The following ZNF331 variants were observed in gnomAD, a reference collection of about 807,000 sequenced individuals.
The protein encoded by ZNF331 is C2H2-like zinc finger protein rearranged in thyroid adenomas.
Under a neutral mutation model 7.0 loss-of-function variants are expected in ZNF331, and 2 were observed. The ratio of observed to expected loss-of-function variants is 0.29; its 90% confidence interval spans 0.12 to 0.90. The LOEUF (loss-of-function observed/expected upper bound fraction) is 0.90, where lower values mean the gene tolerates loss of function less well. ZNF331 is among the 40% of genes least tolerant of loss of function. The pLI is 0.58. For synonymous variants in ZNF331, 196 were observed against 205.4 expected, an observed-to-expected ratio of 0.95 and a Z score of 0.39; for missense variants, 432 against 587.7, an observed-to-expected ratio of 0.74 and a Z score of 2.74.
chr19:53,531,345 T>C (rs938875571), intron 2 of ZNF331, among the ~76,000 whole-genome samples: 3 of 152,194 alleles, frequency 2.0e-5, no homozygotes, highest in Admixed American at 2.0e-4. Context: ...TATCCCTCAA[T>C]GTACTCCCCA....
At chr19:53,550,527 G>GTTTTTTTTTT (rs2088914701) in intron 2 of ZNF331, among the ~76,000 whole-genome samples, 3 of 63,514 alleles carry the variant, frequency 4.7e-5, no homozygotes, top group Admixed American at 1.8e-4. Flanking sequence ...AGTCTATTTT[G>GTTTTTTTTTT]TCTTTTTTTT....
At position 53,578,126 on chromosome 19, in the gene ZNF331, G is replaced by A. The variant is rs190858077; in HGVS notation, c.*174G>A. 3.7e-5 allele frequency: 32 copies of A among 867,324 alleles called. No homozygotes were observed. In the African/African-American group the frequency reaches 3.7e-4, roughly 10 times the overall value. 53.7% of individuals were successfully genotyped at this position (867,324 alleles called of 1,614,324 possible). Reference sequence around the variant, plus strand: ...GCGTGATGAAATCTCTCGCTGTCCGGCTCCAGCCGGCCGGGGATGTGAGTC... The same window carrying A: ...GCGTGATGAAATCTCTCGCTGTCCGACTCCAGCCGGCCGGGGATGTGAGTC... On this transcript the variant is annotated 3_prime_UTR_variant, in exon 6 of 6. Transcript: ENST00000449416.
At chr19:53,514,651 C>CTTT (rs2086854366), upstream of ZNF331, among the ~76,000 whole-genome samples, 3 of 112,964 alleles carry the variant, frequency 2.7e-5, no homozygotes, top group Non-Finnish European at 5.3e-5. Flanking sequence ...GAAGCCTTCT[C>CTTT]CTTTTTTTTT....
At chr19:53,536,556 T>C (rs1230005663), upstream of ZNF331, among the ~76,000 whole-genome samples, 4 of 152,242 alleles carry the variant, frequency 2.6e-5, no homozygotes, top group Non-Finnish European at 5.9e-5. Context: ...TAACAGACCA[T>C]GGTTTAATCT....
chr19:53,548,050 C>G (rs537770427), intron 2 of ZNF331, among the ~76,000 whole-genome samples: 7 of 152,190 alleles, frequency 4.6e-5, no homozygotes, highest in Non-Finnish European at 8.8e-5. Context: ...CTACCTCAGC[C>G]TCCCAAGTAG....
intron 2 of ZNF331, among the ~76,000 whole-genome samples, chr19:53,530,244 G>GA (rs1678034680): frequency 1.3e-5 from 2 of 151,856 alleles, no homozygotes. Flanking sequence ...AGACATGAGG[G>GA]ATCTGCCTCC....
At chr19:53,572,238 G>GT (rs1480361731) in intron 5 of ZNF331, among the ~76,000 whole-genome samples, 1 of 152,088 alleles carries the variant, frequency 6.6e-6, no homozygotes, top group Non-Finnish European at 1.5e-5. Flanking sequence ...GAGGTTGAAA[G>GT]TTACAATCCC....
At chr19:53,561,241 C>G (rs1369368834) in intron 3 of ZNF331, among the ~76,000 whole-genome samples, 1 of 150,460 alleles carries the variant, frequency 6.6e-6, no homozygotes, top group Admixed American at 6.7e-5. Context: ...CCTGCTCCCC[C>G]ATAACTATGT....
intron 3 of ZNF331, among the ~76,000 whole-genome samples, chr19:53,567,852 AC>A (rs1217303111): frequency 4.9e-5 from 7 of 143,360 alleles, no homozygotes; most frequent in Admixed American, 1.4e-4. Flanking sequence ...AAAAAAAAAA[AC>A]AAAAAACTAT....
chr19:53,520,955 C>T (rs1426388430), upstream of ZNF331: 1 of 152,262 alleles, frequency 6.6e-6, no homozygotes, highest in Non-Finnish European at 1.5e-5. Context: ...TGCTGGGAAA[C>T]ACTGACGGGC....
At chr19:53,532,935 T>C (rs561232228) in intron 2 of ZNF331, among the ~76,000 whole-genome samples, 2 of 152,260 alleles carry the variant, frequency 1.3e-5, no homozygotes, top group South Asian at 2.1e-4. Context: ...TCATGGTTTT[T>C]CAATGTTGTT....
chr19:53,505,576 A>G, the ZNF331 span, among the ~76,000 whole-genome samples: 91,228 of 152,034 alleles, frequency 0.6, 28,260 homozygotes, highest in African/African-American at 0.74. Flanking sequence ...GGGTCAGTAG[A>G]CGCAGGGGTG....
chr19:53,527,175 T>C (rs1272690229), intron 2 of ZNF331, among the ~76,000 whole-genome samples: 1 of 151,654 alleles, frequency 6.6e-6, no homozygotes, highest in East Asian at 1.9e-4. Context: ...AGACTCCATC[T>C]TAAAAAATAA....
At chr19:53,569,488 T>C in intron 4 of ZNF331, 103 bp downstream of exon 4, 1 of 1,366,674 alleles carries the variant, frequency 7.3e-7, no homozygotes, top group Non-Finnish European at 1.0e-6. Flanking sequence ...CTCTTTATAA[T>C]TACCTGTTTC....
At chr19:53,507,704 C>T in the ZNF331 span, among the ~76,000 whole-genome samples, 34,019 of 152,002 alleles carry the variant, frequency 0.22, 4,199 homozygotes, top group Middle Eastern at 0.28. Context: ...TTCCGCTCAA[C>T]GGTCAGACTT....
the ZNF331 span, chr19:53,503,658 T>C: frequency 2.8e-6 from 2 of 705,354 alleles, no homozygotes; most frequent in Non-Finnish European, 5.2e-6. Context: ...GTCCACAGAG[T>C]TGTCAGGGGA....
intron 3 of ZNF331, 73 bp downstream of exon 3, chr19:53,555,981 A>C (rs1194270444): frequency 1.3e-5 from 2 of 150,810 alleles, no homozygotes; most frequent in Non-Finnish European, 2.9e-5. Flanking sequence ...GCAGTGGCTC[A>C]CGCCTGTAAT....
intron 4 of ZNF331, among the ~76,000 whole-genome samples, chr19:53,570,183 G>C (rs1174002816): frequency 6.6e-6 from 1 of 150,418 alleles, no homozygotes; most frequent in East Asian, 2.0e-4. Context: ...TTGAACCCAG[G>C]AGATGGAGGT....
chr19:53,519,278 T>G (rs2086982106), upstream of ZNF331, among the ~76,000 whole-genome samples: 2 of 152,142 alleles, frequency 1.3e-5, no homozygotes, highest in Admixed American at 1.3e-4. Flanking sequence ...AGCATATATT[T>G]TTTAGGGCAA....
Sources: allele counts gnomAD v4.1 joint callset (sites outside exome capture counted in the v4.1 genomes callset), GRCh38; gene constraint gnomAD v4.1.1; transcripts MANE v1.5; gene names NCBI Gene and HGNC (gene_info 2026-07-23, HGNC 2026-07-21).